Variants in DAB1 observed in about 807,000 individuals in gnomAD.
DAB1 encodes DAB adaptor protein 1, also known as disabled homolog 1.
DAB1 carries 15 observed loss-of-function variants against 64.6 expected under a neutral mutation model. The observed-to-expected ratio is 0.23, with a 90% confidence interval of 0.16 to 0.36. The LOEUF is 0.36. Among genes scored for constraint, DAB1 ranks in the 10% least tolerant of loss-of-function variants. The pLI is 1.00. For missense variants in DAB1, 596 were observed against 706.7 expected (o/e 0.84, Z 1.78); for synonymous variants, 235 against 251.9 (o/e 0.93, Z 0.64).
intron 4 of DAB1, among the ~76,000 whole-genome samples, chr1:58,182,216 C>A (rs1656833014): frequency 6.6e-6 from 1 of 151,692 alleles, no homozygotes; most frequent in Non-Finnish European, 1.5e-5. Context: ...AGAATTATTT[C>A]TTTATATTTG....
chr1:57,059,788 G>A (rs746103713), intron 9 of DAB1, among the ~76,000 whole-genome samples: 14 of 152,080 alleles, frequency 9.2e-5, no homozygotes, highest in Non-Finnish European at 1.3e-4. Flanking sequence ...GAAATATATC[G>A]AAATTCTCAT....
At chr1:57,747,948 G>A (rs1428981053) in intron 6 of DAB1, among the ~76,000 whole-genome samples, 1 of 151,774 alleles carries the variant, frequency 6.6e-6, no homozygotes, top group African/African-American at 2.4e-5. Flanking sequence ...GACTTGGAAA[G>A]TCTGCTATAG....
intron 6 of DAB1, among the ~76,000 whole-genome samples, chr1:57,768,946 C>T (rs954624520): frequency 5.9e-5 from 9 of 152,100 alleles, no homozygotes; most frequent in African/African-American, 1.7e-4. Context: ...TTTGGCCACA[C>T]CCCCAACCAG....
Position 58,050,808 on chromosome 1 carries a change from C to T in DAB1, n.387+99703G>A, listed in dbSNP as rs111419409. ...CCTCCCAAAGTGCTGAGATTACAGG[C>T]GTGAGCCACCGCACCCGGCCCTCAT... On this transcript the variant is annotated intron_variant and non_coding_transcript_variant, in intron 5 of 20. Coordinates refer to the DAB1 transcript ENST00000485760. Among the ~76,000 whole-genome samples the T allele has an allele frequency of 8.1e-4, 123 of 152,248 alleles. 1 individual carries two copies. The East Asian group carries it at 0.019, about 24-fold the overall frequency.
At chr1:57,717,487 A>G (rs960207486) in intron 6 of DAB1, among the ~76,000 whole-genome samples, 62 of 152,246 alleles carry the variant, frequency 4.1e-4, no homozygotes, top group African/African-American at 1.4e-3. Flanking sequence ...AAATAAGTAG[A>G]GCCATTATGG....
At chr1:58,426,833 C>T (rs1312952971) in intron 3 of DAB1, among the ~76,000 whole-genome samples, 1 of 152,136 alleles carries the variant, frequency 6.6e-6, no homozygotes, top group Non-Finnish European at 1.5e-5. Flanking sequence ...TACTCTATTA[C>T]ATGGTGATAA....
chr1:57,295,015 C>T (rs1039233943), intron 1 of DAB1, among the ~76,000 whole-genome samples: 1 of 152,028 alleles, frequency 6.6e-6, no homozygotes, highest in African/African-American at 2.4e-5. Flanking sequence ...TATGAAATAT[C>T]CTAAATAGAC....
chr1:57,425,515 C>A (rs1199691332), upstream of DAB1, among the ~76,000 whole-genome samples: 1 of 152,126 alleles, frequency 6.6e-6, no homozygotes, highest in African/African-American at 2.4e-5. Context: ...CATCAAGAGA[C>A]CCTCCCTTTC....
At chr1:57,738,481 CACCCACA>C (rs1351437549) in intron 6 of DAB1, among the ~76,000 whole-genome samples, 1 of 152,122 alleles carries the variant, frequency 6.6e-6, no homozygotes. Context: ...ATCTCTCCCC[CACCCACA>C]ACCCCACACA....
chr1:57,733,787 G>A (rs1238385175), intron 6 of DAB1, among the ~76,000 whole-genome samples: 1 of 152,104 alleles, frequency 6.6e-6, no homozygotes. Context: ...GAGAAAGTGG[G>A]GAGTGAGATG....
At chr1:57,147,272 C>T (rs540648832) in intron 2 of DAB1, among the ~76,000 whole-genome samples, 2 of 152,028 alleles carry the variant, frequency 1.3e-5, no homozygotes, top group South Asian at 2.1e-4. Context: ...CCACCTTGGC[C>T]TCCCCAAGTG....
intron 4 of DAB1, among the ~76,000 whole-genome samples, chr1:57,073,939 C>T (rs867353325): frequency 5.5e-4 from 83 of 152,174 alleles, no homozygotes; most frequent in Admixed American, 5.9e-4. Context: ...TGCAACGGTG[C>T]AATCTTGCCT....
At chr1:57,848,625 C>G (rs983150711) in intron 1 of DAB1, among the ~76,000 whole-genome samples, 19 of 152,106 alleles carry the variant, frequency 1.2e-4, no homozygotes, top group African/African-American at 4.1e-4. Context: ...ACATGAGTTA[C>G]CAAGAGCAAT....
chr1:58,050,491 T>C (rs1647570715), intron 5 of DAB1, among the ~76,000 whole-genome samples: 1 of 152,242 alleles, frequency 6.6e-6, no homozygotes, highest in South Asian at 2.1e-4. Context: ...AATATTTAGG[T>C]AGAATAAAAG....
At chr1:57,378,212 C>T (rs1274210266) in intron 1 of DAB1, among the ~76,000 whole-genome samples, 5 of 152,146 alleles carry the variant, frequency 3.3e-5, no homozygotes, top group South Asian at 2.1e-4. Context: ...AACTCAGTAC[C>T]GGCACTCTAT....
At position 57,327,506 on chromosome 1, in the gene DAB1, A is replaced by T. The variant is rs1468870999; in HGVS notation, c.-136-36340T>A. 5.9e-5 allele frequency among the ~76,000 whole-genome samples: 9 copies of T among 152,270 alleles called. No homozygotes were observed. The East Asian group carries it at 1.7e-3, about 29-fold the overall frequency. ...AATCTGCCAATCCTCCGGACGGCAGATGGGGCCTCTTCAGAACTGCTGCCA... is the reference window on the plus strand; with the variant it reads ...AATCTGCCAATCCTCCGGACGGCAGTTGGGGCCTCTTCAGAACTGCTGCCA... On this transcript the variant is annotated intron_variant, in intron 1 of 14. Transcript: ENST00000371236.
In DAB1 at chr1:58,529,041, A is replaced by G. The variant is rs149759657; in HGVS notation, n.33-1706T>C. ...ATAGATCAGGAAAATAACCACATTA[A>G]TTCTTTTAATTTCCTGGCGGGTCAG... On this transcript the variant is annotated intron_variant and non_coding_transcript_variant, in intron 1 of 20. Coordinates refer to the DAB1 transcript ENST00000485760. Among the ~76,000 whole-genome samples, 822 of 152,320 alleles carry G rather than the reference A, an allele frequency of 5.4e-3. 5 individuals carry two copies. Among genetic ancestry groups the G allele is most frequent in the African/African-American group, 0.019 (788 of 41,562 alleles).
At chr1:57,549,645 G>C (rs972282900) in intron 7 of DAB1, among the ~76,000 whole-genome samples, 1 of 152,138 alleles carries the variant, frequency 6.6e-6, no homozygotes, top group African/African-American at 2.4e-5. Context: ...TGAATGCCTC[G>C]AATAACTGAA....
At chr1:58,179,042 T>C (rs562455540) in intron 4 of DAB1, among the ~76,000 whole-genome samples, 1 of 152,116 alleles carries the variant, frequency 6.6e-6, no homozygotes, top group East Asian at 1.9e-4. Flanking sequence ...TTGTAGTAAA[T>C]GGGTGTTGAA....
Sources: allele counts gnomAD v4.1 joint callset (sites outside exome capture counted in the v4.1 genomes callset), GRCh38; gene constraint gnomAD v4.1.1; transcripts MANE v1.5; gene names NCBI Gene and HGNC (gene_info 2026-07-23, HGNC 2026-07-21).